Variants in DPYD observed in about 807,000 individuals in gnomAD.
DPYD encodes dihydropyrimidine dehydrogenase [NADP(+)].
A neutral mutation model predicts 116.2 loss-of-function variants in DPYD; 109 were observed. That is an observed-to-expected ratio of 0.94 (90% confidence interval 0.80 to 1.10). DPYD has a LOEUF of 1.10. Ranked by LOEUF, DPYD falls within the 50% of genes least tolerant of loss-of-function variation. The pLI is 0.00. For synonymous variants in DPYD, 440 were observed against 432.0 expected (o/e 1.02, Z -0.23); for missense variants, 1,302 against 1,254.5 (o/e 1.04, Z -0.57).
intron 18 of DPYD, among the ~76,000 whole-genome samples, chr1:97,302,256 T>C (rs1267996085): frequency 6.6e-6 from 1 of 152,020 alleles, no homozygotes; most frequent in Admixed American, 6.6e-5. Context: ...ACTTATATGG[T>C]GGAGAGCTGA....
At chr1:97,616,392 T>C (rs1043330431) in intron 8 of DPYD, among the ~76,000 whole-genome samples, 1 of 152,196 alleles carries the variant, frequency 6.6e-6, no homozygotes, top group Non-Finnish European at 1.5e-5. Flanking sequence ...TAATTTAGGA[T>C]AATGAGATTG....
Position 97,399,190 on chromosome 1 carries a change from G to T in DPYD, c.1906-16729C>A, listed in dbSNP as rs563792760. Among the ~76,000 whole-genome samples, 1,337 of 149,604 alleles carry T rather than the reference G, an allele frequency of 8.9e-3. 39 individuals carry two copies. Among genetic ancestry groups the T allele is most frequent in the Admixed American group, 0.057 (845 of 14,900 alleles). ...GGCTAGCCAGTTTTCCCAGCACCAT[G>T]TATTAAATAGGGAATCCTTTCCCCA... is the stretch of plus-strand genomic sequence containing the variant. On this transcript the variant is annotated intron_variant, in intron 14 of 22. Coordinates refer to ENST00000370192, the MANE Select transcript of DPYD (RefSeq NM_000110.4).
intron 3 of DPYD, among the ~76,000 whole-genome samples, chr1:97,777,994 C>T (rs1054735987): frequency 6.6e-6 from 1 of 151,494 alleles, no homozygotes; most frequent in Non-Finnish European, 1.5e-5. Context: ...CCCATCTCTA[C>T]TAAAAATACA....
chr1:97,699,176 C>G (rs879084241), intron 6 of DPYD, among the ~76,000 whole-genome samples, 175 bp downstream of exon 6: 1 of 151,906 alleles, frequency 6.6e-6, no homozygotes, highest in African/African-American at 2.4e-5. Flanking sequence ...TGCTTCAAGC[C>G]AACTGCAAAT....
At chr1:97,247,652 A>G (rs1048681153) in intron 18 of DPYD, among the ~76,000 whole-genome samples, 2 of 152,242 alleles carry the variant, frequency 1.3e-5, no homozygotes, top group African/African-American at 2.4e-5. Flanking sequence ...TGACAAGCAC[A>G]TAGTAAATGC....
At chr1:97,910,618 G>A (rs1328500013) in intron 1 of DPYD, among the ~76,000 whole-genome samples, 2 of 152,054 alleles carry the variant, frequency 1.3e-5, no homozygotes, top group African/African-American at 4.8e-5. Context: ...GTAAGTGGCA[G>A]AGCTAGGCTG....
chr1:97,891,465 G>C (rs1034436564), intron 1 of DPYD, among the ~76,000 whole-genome samples: 11 of 151,846 alleles, frequency 7.2e-5, no homozygotes, highest in African/African-American at 2.7e-4. Flanking sequence ...ATTTTACCTA[G>C]TTTAAGAAAT....
chr1:97,326,662 G>C (rs550844722), intron 16 of DPYD, among the ~76,000 whole-genome samples: 2 of 152,026 alleles, frequency 1.3e-5, no homozygotes, highest in Admixed American at 1.3e-4. Context: ...AATGAAGACT[G>C]AAATGTAAGT....
intron 20 of DPYD, among the ~76,000 whole-genome samples, chr1:97,133,893 G>C (rs941249194): frequency 4.0e-5 from 6 of 150,234 alleles, no homozygotes; most frequent in African/African-American, 1.5e-4. Flanking sequence ...CAGCTACTCA[G>C]GAGGCTGAGG....
Position 97,310,766 on chromosome 1 carries a change from T to C in DPYD, c.2059-4469A>G, listed in dbSNP as rs528308180. On this transcript the variant is annotated intron_variant, in intron 16 of 22. Transcript: ENST00000370192. ...CTCTTAATTATATATACAAGTGAGA[T>C]GGAAACATATTTCTACATTAAAACT... 9.2e-4 allele frequency among the ~76,000 whole-genome samples: 139 copies of C among 151,858 alleles called. 1 individual carries two copies. The highest frequency in any genetic ancestry group is 1.5e-3 in the Non-Finnish European group (100 of 67,814).
chr1:97,801,574 T>TATA (rs1419019675), intron 3 of DPYD, among the ~76,000 whole-genome samples: 1 of 151,906 alleles, frequency 6.6e-6, no homozygotes, highest in African/African-American at 2.4e-5. Context: ...GTGTTAATGC[T>TATA]ATAAGTTGAA....
At chr1:97,445,976 T>C (rs986672006) in intron 14 of DPYD, among the ~76,000 whole-genome samples, 4 of 152,072 alleles carry the variant, frequency 2.6e-5, no homozygotes, top group Non-Finnish European at 4.4e-5. Context: ...ATCTGCCTGC[T>C]TTGGCCTCCC....
At chr1:97,168,475 C>T (rs74106701) in intron 20 of DPYD, among the ~76,000 whole-genome samples, 2,014 of 152,174 alleles carry the variant, frequency 0.013, 46 homozygotes, top group African/African-American at 0.045. Context: ...GAAGTAAAGC[C>T]CACTGCAAGG....
At chr1:97,385,137 T>C (rs1376187292) in intron 14 of DPYD, among the ~76,000 whole-genome samples, 1 of 151,772 alleles carries the variant, frequency 6.6e-6, no homozygotes, top group African/African-American at 2.4e-5. Context: ...TTAGAGATGC[T>C]TTCCGCCCTT....
intron 8 of DPYD, among the ~76,000 whole-genome samples, chr1:97,630,206 ATATAATACAAATG>A (rs1393001398): frequency 1.3e-5 from 2 of 152,064 alleles, no homozygotes; most frequent in Non-Finnish European, 2.9e-5. Context: ...CACTATATAA[ATATAATACAAATG>A]TATTATTCTT....
intron 20 of DPYD, among the ~76,000 whole-genome samples, chr1:97,109,083 T>G (rs1280276347): frequency 6.6e-6 from 1 of 152,064 alleles, no homozygotes; most frequent in Non-Finnish European, 1.5e-5. Flanking sequence ...AAAACAGAAA[T>G]AACAATGATC....
At chr1:97,113,662 A>G (rs566972807) in intron 20 of DPYD, among the ~76,000 whole-genome samples, 18 of 152,272 alleles carry the variant, frequency 1.2e-4, no homozygotes, top group Admixed American at 8.5e-4. Context: ...ATCAGTTATA[A>G]GTACTACCAA....
chr1:97,423,873 A>G (rs1419370949), intron 14 of DPYD, among the ~76,000 whole-genome samples: 2 of 152,120 alleles, frequency 1.3e-5, no homozygotes, highest in African/African-American at 2.4e-5. Flanking sequence ...TAAGAAATTA[A>G]TATTGTCATT....
At chr1:97,097,339 T>C (rs1398564574) in intron 21 of DPYD, among the ~76,000 whole-genome samples, 5 of 151,830 alleles carry the variant, frequency 3.3e-5, no homozygotes, top group Admixed American at 2.6e-4. Context: ...TCTTCATAGG[T>C]AGAAGGAATT....
Sources: allele counts gnomAD v4.1 joint callset (sites outside exome capture counted in the v4.1 genomes callset), GRCh38; gene constraint gnomAD v4.1.1; transcripts MANE v1.5; gene names NCBI Gene and HGNC (gene_info 2026-07-23, HGNC 2026-07-21).